Variants in RPS6KA2 observed in about 807,000 individuals in gnomAD.
RPS6KA2 encodes the protein ribosomal protein S6 kinase A2.
RPS6KA2 carries 42 observed loss-of-function variants against 91.8 expected under a neutral mutation model. That is an observed-to-expected ratio of 0.46 (90% CI 0.36 to 0.59). The LOEUF (loss-of-function observed/expected upper bound fraction) is 0.59. Among genes scored for constraint, RPS6KA2 ranks in the 20% least tolerant of loss-of-function variants. The probability of loss-of-function intolerance (pLI) is 0.00; values close to 1 mark genes in which losing one functional copy is unlikely to be tolerated. For missense variants in RPS6KA2, 798 were observed against 978.5 expected (o/e 0.82, Z 2.46); for synonymous variants, 414 against 393.6 (o/e 1.05, Z -0.61).
rs1787763025 is a variant in RPS6KA2 at position 166,648,961 on chromosome 6, ACTAATGGGCTCC to A, written c.124-110189_124-110178del. ...GCCACTGGCACCTCATGCCAGCCCT[ACTAATGGGCTCC>A]TTCCTTCGCCCCTCCTCCAGTCTAG... is the stretch of plus-strand genomic sequence containing the variant. On this transcript the variant is annotated intron_variant, in intron 2 of 21. Transcript: ENST00000503859. The surrounding 1 kb of genome is among the most constrained non-coding windows in gnomAD (Gnocchi z 4.8). Among the ~76,000 whole-genome samples the A allele has an allele frequency of 6.6e-6, 1 of 152,094 alleles. No individual in the cohort carries two copies. Among genetic ancestry groups the A allele is most frequent in the Non-Finnish European group, 1.5e-5 (1 of 68,000 alleles).
chr6:166,450,688 CAGGGACCACCACA>C (rs1779878410), intron 13 of RPS6KA2, among the ~76,000 whole-genome samples: 2 of 144,774 alleles, frequency 1.4e-5, no homozygotes, highest in African/African-American at 5.2e-5. Context: ...GGGACCACCA[CAGGGACCACCACA>C]AGGGACCACC....
chr6:166,497,506 G>A (rs538093054), intron 8 of RPS6KA2, among the ~76,000 whole-genome samples: 1 of 152,248 alleles, frequency 6.6e-6, no homozygotes. Flanking sequence ...CTCGCGGAGA[G>A]GTGAGCAGCC....
chr6:166,420,009 A>G, intron 17 of RPS6KA2, 51 bp from the exon 18 acceptor site: 1 of 1,542,456 alleles, frequency 6.5e-7, no homozygotes, highest in Non-Finnish European at 9.0e-7. Context: ...GGACATTCAG[A>G]TTGACAGCAC....
At chr6:166,652,945 C>T (rs1457571878) in intron 2 of RPS6KA2, among the ~76,000 whole-genome samples, 4 of 152,230 alleles carry the variant, frequency 2.6e-5, no homozygotes, top group Admixed American at 6.5e-5. Flanking sequence ...CATGCTGGGC[C>T]CAGCAGCAGG....
Position 166,423,017 on chromosome 6 carries a change from G to A in RPS6KA2, c.1743+239C>T, listed in dbSNP as rs78891903. ...ACAGAAGACAATTTTACATAAAAATGTTACTGTTGAAAAGTTTTTTCAAAT... is the reference window on the plus strand; with the variant it reads ...ACAGAAGACAATTTTACATAAAAATATTACTGTTGAAAAGTTTTTTCAAAT... On this transcript the variant is annotated intron_variant, in intron 17 of 20. Transcript: ENST00000265678. The surrounding 1 kb of genome is among the most constrained non-coding windows in gnomAD (Gnocchi z 4.8). 2.0e-3 allele frequency among the ~76,000 whole-genome samples: 308 copies of A among 152,304 alleles called. 2 individuals carry two copies. Among genetic ancestry groups the A allele is most frequent in the Middle Eastern group, 0.017 (5 of 294 alleles).
chr6:166,413,189 G>A (rs995361885), intron 20 of RPS6KA2, among the ~76,000 whole-genome samples: 1 of 151,834 alleles, frequency 6.6e-6, no homozygotes, highest in African/African-American at 2.4e-5. Flanking sequence ...CTGAGGTCAC[G>A]TGATCCCCTG....
chr6:166,699,030 T>C (rs1242889166), intron 2 of RPS6KA2, among the ~76,000 whole-genome samples: 1 of 152,052 alleles, frequency 6.6e-6, no homozygotes, highest in African/African-American at 2.4e-5. Context: ...ATAGCAGGCA[T>C]GGTAGTGATG....
Position 166,693,856 on chromosome 6 carries a change from C to G in RPS6KA2, c.124-155072G>C, listed in dbSNP as rs144995601. 2.0e-5 allele frequency among the ~76,000 whole-genome samples: 3 copies of G among 152,326 alleles called. No homozygotes were observed. In the East Asian group the frequency reaches 5.8e-4, roughly 29 times the overall value. ...AAGTTCCACTCACCAAGCTTAGACA[C>G]ACCCCTTAGGCACAGGTTACTCCTG... On this transcript the variant is annotated intron_variant, in intron 2 of 21. Transcript: ENST00000503859.
chr6:166,671,010 G>A (rs140728145), intron 2 of RPS6KA2, among the ~76,000 whole-genome samples: 17 of 152,078 alleles, frequency 1.1e-4, no homozygotes, highest in Admixed American at 3.9e-4. Flanking sequence ...ACAGGTTTTC[G>A]CCCCATTGGC....
intron 19 of RPS6KA2, among the ~76,000 whole-genome samples, chr6:166,415,063 T>TCAAACAAA (rs553452457): frequency 1.3e-5 from 2 of 152,100 alleles, no homozygotes; most frequent in African/African-American, 4.8e-5. Context: ...AGAGTCCATC[T>TCAAACAAA]CAAACAAACA....
intron 2 of RPS6KA2, among the ~76,000 whole-genome samples, chr6:166,670,744 T>C (rs1788448384): frequency 6.6e-6 from 1 of 152,230 alleles, no homozygotes; most frequent in African/African-American, 2.4e-5. Context: ...TGATAGTTCC[T>C]ACAGATGATG....
chr6:166,805,991 G>C (rs1158780712), intron 2 of RPS6KA2, among the ~76,000 whole-genome samples: 1 of 152,134 alleles, frequency 6.6e-6, no homozygotes, highest in Non-Finnish European at 1.5e-5. Context: ...AATCACTAAA[G>C]GGGTTCAAAG....
In RPS6KA2 at chr6:166,744,388, C is replaced by A. The variant is rs185502923; in HGVS notation, c.123+113812G>T. On this transcript the variant is annotated intron_variant, in intron 2 of 21. Transcript: ENST00000503859. ...GCAGACCTGAGACGCGGCCCCGGGCCCGGGGAGTCGGAGGGGAATGGGAGC... is the reference window on the plus strand; with the variant it reads ...GCAGACCTGAGACGCGGCCCCGGGCACGGGGAGTCGGAGGGGAATGGGAGC... 4.0e-3 allele frequency among the ~76,000 whole-genome samples: 609 copies of A among 152,228 alleles called. 5 individuals carry two copies. The highest frequency in any genetic ancestry group is 0.013 in the African/African-American group (543 of 41,540).
chr6:166,757,578 G>T, intron 2 of RPS6KA2: 1 of 456,264 alleles, frequency 2.2e-6, no homozygotes, highest in Non-Finnish European at 4.4e-6. Context: ...TGATCATCAT[G>T]ATGCACTCCC....
rs972944177 is a variant in RPS6KA2 at position 166,852,567 on chromosome 6, G to A, written c.123+5633C>T. Among the ~76,000 whole-genome samples the A allele has an allele frequency of 1.3e-5, 2 of 152,060 alleles. No individual in the cohort carries two copies. The highest frequency in any genetic ancestry group is 6.6e-5 in the Admixed American group (1 of 15,266). On this transcript the variant is annotated intron_variant, in intron 2 of 21. Coordinates refer to the RPS6KA2 transcript ENST00000503859. The surrounding 1 kb of genome is among the most constrained non-coding windows in gnomAD (Gnocchi z 4.1). ...TGGCCCAGAGCTCCTGAACACACCC[G>A]GCCTGGCTCTCTCTTTCACCCTTTC...
upstream of RPS6KA2, among the ~76,000 whole-genome samples, chr6:166,628,393 G>A (rs1786974358): frequency 6.6e-6 from 1 of 152,242 alleles, no homozygotes; most frequent in African/African-American, 2.4e-5. Context: ...AGAAACGAGT[G>A]CGGTGGTGAG....
intron 2 of RPS6KA2, among the ~76,000 whole-genome samples, chr6:166,729,101 C>T (rs1790434652): frequency 6.6e-6 from 1 of 152,206 alleles, no homozygotes; most frequent in African/African-American, 2.4e-5. Flanking sequence ...ATCGCTCCCT[C>T]TAGCCCTCCT....
intron 2 of RPS6KA2, among the ~76,000 whole-genome samples, chr6:166,779,177 T>A (rs11966369): frequency 0.011 from 1,704 of 152,238 alleles, 29 homozygotes; most frequent in African/African-American, 0.036. Flanking sequence ...AACTATGGCA[T>A]TTTTCCTACC....
At chr6:166,420,239 GTT>G (rs1427102630) in intron 17 of RPS6KA2, among the ~76,000 whole-genome samples, 3 of 152,164 alleles carry the variant, frequency 2.0e-5, no homozygotes, top group Admixed American at 6.5e-5. Flanking sequence ...GGATTTTTCT[GTT>G]ACGGTAAAAT....
Sources: allele counts gnomAD v4.1 joint callset (sites outside exome capture counted in the v4.1 genomes callset), GRCh38; gene constraint gnomAD v4.1.1; non-coding constraint Gnocchi (gnomAD v3.1); transcripts MANE v1.5; gene names NCBI Gene and HGNC (gene_info 2026-07-23, HGNC 2026-07-21).